KCTD14: variants seen among roughly 807,000 people sequenced by gnomAD.
The protein encoded by KCTD14 is potassium channel tetramerization domain containing 14.
Under a neutral mutation model 5.9 loss-of-function variants are expected in KCTD14, and 7 were observed. The ratio of observed to expected loss-of-function variants is 1.19; its 90% confidence interval spans 0.68 to 2.23. The LOEUF (loss-of-function observed/expected upper bound fraction) is 2.23. Among genes scored for constraint, KCTD14 ranks in the 30% most tolerant of loss-of-function variants. The pLI is 0.00. For missense variants in KCTD14, 342 were observed against 332.2 expected (o/e 1.03, Z -0.23); for synonymous variants, 140 against 133.1 (o/e 1.05, Z -0.36).
chr11:78,046,073 C>T (rs982629278), exon 1 of KCTD14: 5 of 984,312 alleles, frequency 5.1e-6, no homozygotes, highest in African/African-American at 1.7e-5. Flanking sequence ...GACAGTAAAC[C>T]GGGGAGGACT....
intron 2 of KCTD14, among the ~76,000 whole-genome samples, chr11:78,028,666 C>T (rs1361991051): frequency 6.6e-6 from 1 of 150,684 alleles, no homozygotes; most frequent in African/African-American, 2.4e-5. Context: ...TGGAGCCAGG[C>T]ATGGTGACTC....
At chr11:78,038,082 C>T (rs1049342275) in intron 2 of KCTD14, among the ~76,000 whole-genome samples, 1 of 151,906 alleles carries the variant, frequency 6.6e-6, no homozygotes, top group Non-Finnish European at 1.5e-5. Flanking sequence ...CCCCCCACAC[C>T]ATCCTTTCTC....
At position 78,015,729 on chromosome 11, in the gene KCTD14, T is replaced by C. The variant is rs560594722; in HGVS notation, c.*864A>G. ...AAAACTGAGACTCTCGTGCAAGTGG[T>C]TTATTGATGGAGTGCTCTTAGGAGA... On this transcript the variant is annotated 3_prime_UTR_variant, in exon 2 of 2. Transcript: ENST00000353172. 1 of 152,226 alleles carries C rather than the reference T, an allele frequency of 6.6e-6. No individual in the cohort carries two copies. Among genetic ancestry groups the C allele is most frequent in the African/African-American group, 2.4e-5 (1 of 41,478 alleles). 9.4% of individuals were successfully genotyped at this position (152,226 alleles called of 1,614,324 possible). A position where few individuals can be genotyped will look rare whatever the true frequency, so the allele number is the denominator to read the frequency against.
chr11:78,031,465 G>A (rs996566108), intron 2 of KCTD14, among the ~76,000 whole-genome samples: 9 of 149,196 alleles, frequency 6.0e-5, no homozygotes, highest in South Asian at 4.3e-4. Flanking sequence ...TGCAACCTCC[G>A]CCTCCAGAGT....
Position 78,042,732 on chromosome 11 carries a change from G to C in KCTD14, c.-96+3329C>G, listed in dbSNP as rs909158152. 2.0e-5 allele frequency among the ~76,000 whole-genome samples: 3 copies of C among 152,128 alleles called. No homozygotes were observed. The East Asian group carries it at 5.8e-4, about 29-fold the overall frequency. On this transcript the variant is annotated intron_variant, in intron 1 of 2. Transcript: ENST00000533144. ...TGAGTTTAAGAGAGAAGTTTAATAGGCAAGAGAAAGGGAAAAGTTCTCTCT... is the reference window on the plus strand; with the variant it reads ...TGAGTTTAAGAGAGAAGTTTAATAGCCAAGAGAAAGGGAAAAGTTCTCTCT...
upstream of KCTD14, chr11:78,023,344 C>G: frequency 1.6e-6 from 2 of 1,249,904 alleles, no homozygotes; most frequent in Non-Finnish European, 2.3e-6. Context: ...CCAGGCGTGG[C>G]TTGCAGTGAG....
At chr11:78,019,310 G>T (rs961167099) in intron 1 of KCTD14, among the ~76,000 whole-genome samples, 6 of 151,962 alleles carry the variant, frequency 3.9e-5, no homozygotes, top group Non-Finnish European at 5.9e-5. Flanking sequence ...CACAGCCCCG[G>T]CCAGAAATGA....
At chr11:78,025,303 G>A (rs1363277012), upstream of KCTD14, among the ~76,000 whole-genome samples, 5 of 151,670 alleles carry the variant, frequency 3.3e-5, no homozygotes. Context: ...ATCCAGCACG[G>A]GAAAAAGATG....
chr11:78,016,805 G>A lies in KCTD14; in HGVS notation c.556C>T (p.Leu186=), dbSNP rs1436666202. 3 of 1,613,998 alleles carry A rather than the reference G, an allele frequency of 1.9e-6. No homozygotes were observed. The highest frequency in any genetic ancestry group is 1.3e-5 in the African/African-American group (1 of 74,932). The stretch of plus-strand genomic sequence containing the variant: ...ATCTTCTTATCCTGCAGAAAACACA[G>A]GACCTCTGAATAATATGCATCCTGC... ...EEQDAYYSEV[L]CFLQDKKMFK... The change falls in exon 2 of 2, where the codon CTG becomes TTG. Residue 186 remains leucine, a synonymous_variant. Coordinates refer to ENST00000353172, the MANE Select transcript of KCTD14 (RefSeq NM_023930.4).
upstream of KCTD14, among the ~76,000 whole-genome samples, chr11:78,027,368 A>ATT (rs60411445): frequency 0.014 from 2,052 of 145,368 alleles, 44 homozygotes; most frequent in African/African-American, 0.046. Context: ...CCCCATCCCT[A>ATT]TTTTTTTTTT....
At position 78,016,656 on chromosome 11, in the gene KCTD14, C is replaced by A. The variant is rs151197596; in HGVS notation, c.705G>T (p.Thr235=). The change falls in exon 2 of 2, where the codon ACG becomes ACT. Residue 235 remains threonine, a synonymous_variant. Coordinates refer to ENST00000353172, the MANE Select transcript of KCTD14 (RefSeq NM_023930.4). ...GYKVFSKFYL[T]YPTKRNEFHF... ...GGAATTCGTTTCTTTTGGTGGGGTA[C>A]GTCAGGTAGAACTTGGAGAATACCT... The A allele has an allele frequency of 6.2e-6, 10 of 1,614,042 alleles. No individual in the cohort carries two copies. Among genetic ancestry groups the A allele is most frequent in the Non-Finnish European group, 8.5e-6 (10 of 1,180,024 alleles).
intron 2 of KCTD14, among the ~76,000 whole-genome samples, chr11:78,030,610 T>C (rs1414180096): frequency 6.6e-6 from 1 of 152,238 alleles, no homozygotes; most frequent in African/African-American, 2.4e-5. Context: ...TGCTTCCTTC[T>C]GCCCTCCCCT....
Position 78,016,431 on chromosome 11 carries a change from G to T in KCTD14, c.*162C>A, listed in dbSNP as rs1434698800. 4.8e-6 allele frequency: 3 copies of T among 629,854 alleles called. No homozygotes were observed. The highest frequency in any genetic ancestry group is 8.2e-6 in the Non-Finnish European group (3 of 364,464). 39.0% of individuals were successfully genotyped at this position (629,854 alleles called of 1,614,324 possible). The stretch of plus-strand genomic sequence containing the variant: ...AAATATAGTGGCATCAGTTGCAATG[G>T]AGTGGAAAGTCCTTAAACGAGTGAT... On this transcript the variant is annotated 3_prime_UTR_variant, in exon 2 of 2. Transcript: ENST00000353172.
chr11:78,032,703 CTTTTTTTT>C (rs35820886), intron 2 of KCTD14, among the ~76,000 whole-genome samples: 1 of 123,550 alleles, frequency 8.1e-6, no homozygotes, highest in Admixed American at 8.7e-5. Flanking sequence ...TGATCTACTT[CTTTTTTTT>C]TTTTTTTTTT....
At chr11:78,024,283 G>A (rs560703903), upstream of KCTD14, among the ~76,000 whole-genome samples, 20 of 151,398 alleles carry the variant, frequency 1.3e-4, no homozygotes, top group East Asian at 5.9e-4. Flanking sequence ...TACTGTGGAC[G>A]CTGAGGCAGG....
In KCTD14 at chr11:78,016,138, A is replaced by G. The variant is rs2136697853; in HGVS notation, c.*455T>C. 1 of 179,420 alleles carries G rather than the reference A, an allele frequency of 5.6e-6. No individual in the cohort carries two copies. The highest frequency in any genetic ancestry group is 1.5e-4 in the East Asian group (1 of 6,846). 11.1% of individuals were successfully genotyped at this position (179,420 alleles called of 1,614,324 possible). A position where few individuals can be genotyped will look rare whatever the true frequency, so the allele number is the denominator to read the frequency against. ...GCTCTGAGGTGTTAGCACCCACAGC[A>G]TCTCGCAAAGGGGATCAGGAAAGCA... On this transcript the variant is annotated 3_prime_UTR_variant, in exon 2 of 2. Coordinates refer to ENST00000353172, the MANE Select transcript of KCTD14 (RefSeq NM_023930.4).
chr11:78,018,183 T>G (rs1325657786), intron 1 of KCTD14, among the ~76,000 whole-genome samples: 1 of 152,120 alleles, frequency 6.6e-6, no homozygotes, highest in African/African-American at 2.4e-5. Flanking sequence ...CAATGATACT[T>G]CCAAAGTCTG....
chr11:78,025,975 C>T (rs187851955), upstream of KCTD14, among the ~76,000 whole-genome samples: 81 of 152,294 alleles, frequency 5.3e-4, no homozygotes, highest in African/African-American at 1.9e-3. Context: ...ATCATGACAA[C>T]AGTATGTGCT....
chr11:78,030,331 T>G (rs1210951158), intron 2 of KCTD14, among the ~76,000 whole-genome samples: 1 of 152,130 alleles, frequency 6.6e-6, no homozygotes, highest in Non-Finnish European at 1.5e-5. Flanking sequence ...ATGAAGCACC[T>G]CTTTGAGTCA....
Sources: gnomAD v4.1 joint callset for allele counts (sites outside exome capture counted in the v4.1 genomes callset) on GRCh38, gnomAD v4.1.1 for gene constraint, MANE v1.5 for transcripts, NCBI Gene and HGNC (gene_info 2026-07-23, HGNC 2026-07-21) for gene names.